PRIM2: variants seen among roughly 807,000 people sequenced by gnomAD.
PRIM2 encodes the protein DNA primase subunit 2, also known as DNA primase large subunit.
PRIM2 carries 39 observed loss-of-function variants against 67.3 expected under a neutral mutation model. The observed-to-expected ratio is 0.58, with a 90% CI of 0.45 to 0.76. PRIM2 has a LOEUF of 0.76. Ranked by LOEUF, PRIM2 falls within the 30% of genes least tolerant of loss-of-function variation. The pLI is 0.00. For missense variants in PRIM2, 398 were observed against 598.7 expected (o/e 0.66, Z 3.50); for synonymous variants, 143 against 198.7 (o/e 0.72, Z 2.36).
intron 5 of PRIM2, among the ~76,000 whole-genome samples, chr6:57,361,283 A>G (rs1343990960): frequency 6.6e-6 from 1 of 152,158 alleles, no homozygotes; most frequent in South Asian, 2.1e-4. Context: ...TGAGGATACT[A>G]TCCTTTCTGA....
intron 10 of PRIM2, among the ~76,000 whole-genome samples, chr6:57,548,348 G>A (rs1172325744): frequency 4.6e-5 from 7 of 152,028 alleles, no homozygotes; most frequent in East Asian, 1.9e-4. Flanking sequence ...TAGAGTGTGC[G>A]TTTCTAAAGT....
At chr6:57,436,253 G>A (rs1177609669) in intron 7 of PRIM2, among the ~76,000 whole-genome samples, 2 of 152,140 alleles carry the variant, frequency 1.3e-5, no homozygotes, top group Admixed American at 1.3e-4. Context: ...GGACAGCTTG[G>A]TTTTAGATGA....
intron 12 of PRIM2, among the ~76,000 whole-genome samples, chr6:57,621,558 T>C (rs1386730374): frequency 6.6e-6 from 1 of 152,180 alleles, no homozygotes; most frequent in African/African-American, 2.4e-5. Context: ...TAATATCAAC[T>C]TAGCATCTAT....
At chr6:57,544,838 T>C (rs1775252676) in intron 10 of PRIM2, among the ~76,000 whole-genome samples, 1 of 152,210 alleles carries the variant, frequency 6.6e-6, no homozygotes, top group African/African-American at 2.4e-5. Flanking sequence ...TAAATGTTTA[T>C]TGAATAAACT....
the PRIM2 span, among the ~76,000 whole-genome samples, chr6:57,281,275 C>T: frequency 6.6e-6 from 1 of 152,024 alleles, no homozygotes; most frequent in African/African-American, 2.4e-5. Context: ...GTGCAGATAT[C>T]TCTTCCATAT....
chr6:57,421,088 A>G (rs1356441633), intron 7 of PRIM2, among the ~76,000 whole-genome samples: 1 of 152,174 alleles, frequency 6.6e-6, no homozygotes, highest in African/African-American at 2.4e-5. Context: ...ATGGAAGAGC[A>G]CTCAGAGAAG....
At chr6:57,376,023 A>G (rs1769750796) in intron 5 of PRIM2, among the ~76,000 whole-genome samples, 1 of 152,138 alleles carries the variant, frequency 6.6e-6, no homozygotes, top group Non-Finnish European at 1.5e-5. Context: ...CCTGAGCAAC[A>G]TAGGGAGATC....
At chr6:57,616,943 T>C (rs1388455334) in intron 12 of PRIM2, among the ~76,000 whole-genome samples, 2 of 152,260 alleles carry the variant, frequency 1.3e-5, no homozygotes, top group Admixed American at 6.5e-5. Context: ...TGTGTTTTGT[T>C]CTTTTGAATG....
intron 10 of PRIM2, among the ~76,000 whole-genome samples, chr6:57,573,793 A>G (rs1358662120): frequency 6.6e-6 from 1 of 152,246 alleles, no homozygotes; most frequent in East Asian, 1.9e-4. Context: ...GTAATTAAAT[A>G]GCATAGTAAC....
At chr6:57,253,323 T>C in the PRIM2 span, among the ~76,000 whole-genome samples, 1 of 152,176 alleles carries the variant, frequency 6.6e-6, no homozygotes, top group African/African-American at 2.4e-5. Context: ...AGGGTTTGGA[T>C]CAGAGCAAGG....
At chr6:57,392,616 G>C (rs916299843) in intron 7 of PRIM2, among the ~76,000 whole-genome samples, 5 of 151,732 alleles carry the variant, frequency 3.3e-5, no homozygotes, top group African/African-American at 1.2e-4. Flanking sequence ...TAATAGCCTA[G>C]AGAGGGAGAA....
intron 10 of PRIM2, among the ~76,000 whole-genome samples, chr6:57,575,717 T>G (rs1285452427): frequency 3.9e-5 from 6 of 152,266 alleles, no homozygotes; most frequent in South Asian, 2.1e-4. Context: ...TTTTTCTTGA[T>G]TAAGGTACTA....
At chr6:57,283,090 A>G in the PRIM2 span, among the ~76,000 whole-genome samples, 1 of 151,964 alleles carries the variant, frequency 6.6e-6, no homozygotes, top group Non-Finnish European at 1.5e-5. Context: ...TTTGATTCTT[A>G]TTTCATAGCC....
rs35803652 is a variant in PRIM2, at chr6:57,465,821, C to CT, written c.694-41557dup. Reference sequence around the variant, plus strand: ...TCATTTTTTTTTCTTGATAATGATTCTTTTTTTTTATAATTATACTTATAA... The same window carrying CT: ...TCATTTTTTTTTCTTGATAATGATTCTTTTTTTTTTATAATTATACTTATAA... On this transcript the variant is annotated intron_variant, in intron 7 of 13. Transcript: ENST00000615550. Among the ~76,000 whole-genome samples the CT allele has an allele frequency of 3.0e-3, 457 of 150,130 alleles. 2 individuals carry two copies. Among genetic ancestry groups the CT allele is most frequent in the African/African-American group, 0.01 (422 of 40,498 alleles).
the PRIM2 span, among the ~76,000 whole-genome samples, chr6:57,276,618 GA>G: frequency 6.6e-6 from 1 of 152,044 alleles, no homozygotes; most frequent in African/African-American, 2.4e-5. Context: ...AATGGTAGAT[GA>G]AGAAATGATC....
intron 7 of PRIM2, among the ~76,000 whole-genome samples, chr6:57,403,838 G>C (rs1404074013): frequency 1.3e-5 from 2 of 151,758 alleles, no homozygotes; most frequent in African/African-American, 4.9e-5. Flanking sequence ...TAGGCTTATA[G>C]ATATTGTCTT....
At chr6:57,443,672 A>C (rs1581909898) in intron 7 of PRIM2, among the ~76,000 whole-genome samples, 1 of 152,098 alleles carries the variant, frequency 6.6e-6, no homozygotes, top group Non-Finnish European at 1.5e-5. Context: ...TTAAACCCTT[A>C]TCAGGCGTAA....
At chr6:57,347,806 G>A (rs1768727760) in intron 5 of PRIM2, among the ~76,000 whole-genome samples, 5 of 152,258 alleles carry the variant, frequency 3.3e-5, no homozygotes, top group African/African-American at 9.6e-5. Context: ...GACAGGTTAA[G>A]TAACTTTCCT....
intron 7 of PRIM2, among the ~76,000 whole-genome samples, chr6:57,427,969 G>A (rs1771687161): frequency 6.6e-6 from 1 of 151,968 alleles, no homozygotes; most frequent in African/African-American, 2.4e-5. Context: ...AAATTTGCAT[G>A]GAAAACTCAC....
Sources: allele counts gnomAD v4.1 joint callset (sites outside exome capture counted in the v4.1 genomes callset), GRCh38; gene constraint gnomAD v4.1.1; transcripts MANE v1.5; gene names NCBI Gene and HGNC (gene_info 2026-07-23, HGNC 2026-07-21).